TRPC4AP: variants seen among roughly 807,000 people sequenced by gnomAD.
The protein encoded by TRPC4AP is transient receptor potential cation channel subfamily C member 4 associated protein.
A neutral mutation model predicts 99.0 loss-of-function variants in TRPC4AP; 45 were observed. That is an observed-to-expected ratio of 0.45 (90% confidence interval 0.36 to 0.58). TRPC4AP has a LOEUF of 0.58. Ranked by LOEUF, TRPC4AP falls within the 20% of genes least tolerant of loss-of-function variation. TRPC4AP has a pLI of 0.00. For synonymous variants in TRPC4AP, 408 were observed against 385.8 expected (o/e 1.06, Z -0.67); for missense variants, 879 against 985.3 (o/e 0.89, Z 1.44).
intron 4 of TRPC4AP, among the ~76,000 whole-genome samples, chr20:35,055,454 G>C (rs1387710243): frequency 6.6e-6 from 1 of 152,078 alleles, no homozygotes; most frequent in African/African-American, 2.4e-5. Flanking sequence ...TATTAAACTA[G>C]TTCCTCAAGA....
intron 1 of TRPC4AP, among the ~76,000 whole-genome samples, chr20:35,080,534 T>TG (rs2084609266): frequency 1.2e-5 from 1 of 82,068 alleles, no homozygotes; most frequent in Admixed American, 1.4e-4. Flanking sequence ...AGACTCCATC[T>TG]AAAAAAAAAA....
chr20:35,008,570 G>T (rs12625215), intron 13 of TRPC4AP, 94 bp downstream of exon 13: 1 of 1,065,276 alleles, frequency 9.4e-7, no homozygotes, highest in African/African-American at 1.6e-5. Context: ...AGGAGGCATG[G>T]ACGCTGGTGA....
chr20:35,006,615 G>C, intron 14 of TRPC4AP, 40 bp from the exon 15 acceptor site: 1 of 1,601,276 alleles, frequency 6.2e-7, no homozygotes, highest in Non-Finnish European at 8.5e-7. Context: ...CAACGTGGCT[G>C]CCCCCACCAG....
At position 35,003,064 on chromosome 20, in the gene TRPC4AP, A is replaced by T. The variant is rs2082427082; in HGVS notation, c.*82T>A. ...GGGCAGGCAGAGAGCAGCAGGGAGG[A>T]ACGGGAACAGGGCAGGGCGTGTGGC... On this transcript the variant is annotated 3_prime_UTR_variant, in exon 19 of 19. Transcript: ENST00000252015. The T allele has an allele frequency of 2.6e-6, 4 of 1,564,472 alleles. No individual in the cohort carries two copies. Among genetic ancestry groups the T allele is most frequent in the Non-Finnish European group, 3.5e-6 (4 of 1,151,494 alleles).
intron 1 of TRPC4AP, among the ~76,000 whole-genome samples, chr20:35,083,446 C>CAA (rs961998136): frequency 5.0e-5 from 7 of 138,772 alleles, no homozygotes; most frequent in African/African-American, 1.6e-4. Flanking sequence ...CTAAAAATAC[C>CAA]AAAAAAAAAA....
intron 3 of TRPC4AP, among the ~76,000 whole-genome samples, chr20:35,060,585 C>CAAAAAAAAAA (rs35143678): frequency 4.3e-5 from 3 of 70,386 alleles, no homozygotes; most frequent in African/African-American, 5.8e-5. Context: ...ACCTTGTCTC[C>CAAAAAAAAAA]AAAAAAAAAA....
chr20:35,090,479 T>C (rs1219459657), intron 1 of TRPC4AP, among the ~76,000 whole-genome samples: 1 of 147,128 alleles, frequency 6.8e-6, no homozygotes, highest in Non-Finnish European at 1.5e-5. Context: ...GTTCAAGCAA[T>C]TCTCCTGCCT....
Position 35,003,163 on chromosome 20 carries a change from C to T in TRPC4AP, c.2377G>A (p.Asp793Asn). Reference protein sequence around the residue: ...IEEPYMDIDRDFTEE With the variant: ...IEEPYMDIDRNFTEE ...GCCCAAGGTCACTCCTCAGTGAAGTCCCTGTCTATGTCCATGTAGGGCTCC... is the reference window on the plus strand; with the variant it reads ...GCCCAAGGTCACTCCTCAGTGAAGTTCCTGTCTATGTCCATGTAGGGCTCC... The change falls in exon 19 of 19, where the codon GAC becomes AAC. Residue 793 changes from aspartate to asparagine, a missense_variant. Asp to Asn is a conservative substitution (Grantham distance 23, BLOSUM62 1). Coordinates refer to ENST00000252015, the MANE Select transcript of TRPC4AP (RefSeq NM_015638.3). 6.2e-7 allele frequency: 1 copy of T among 1,614,212 alleles called. No individual in the cohort carries two copies.
intron 10 of TRPC4AP, 130 bp downstream of exon 10, chr20:35,015,878 G>A (rs1600515851): frequency 8.6e-7 from 1 of 1,158,034 alleles, no homozygotes; most frequent in Non-Finnish European, 1.2e-6. Context: ...CCAATTAGGG[G>A]ACTATAAGAT....
At chr20:35,084,882 C>T (rs940017822) in intron 1 of TRPC4AP, among the ~76,000 whole-genome samples, 7 of 151,904 alleles carry the variant, frequency 4.6e-5, no homozygotes, top group African/African-American at 1.5e-4. Flanking sequence ...CAATATATGG[C>T]CCTGCTGTAA....
Position 35,090,626 on chromosome 20 carries a change from G to C in TRPC4AP, c.168+1988C>G, listed in dbSNP as rs976731556. On this transcript the variant is annotated intron_variant, in intron 1 of 18. Coordinates refer to ENST00000252015, the MANE Select transcript of TRPC4AP (RefSeq NM_015638.3). Reference sequence around the variant, plus strand: ...TGACCTCAGATGATCCACCCGCCTCGACCTCCCAAAGCACTGGGATTACAG... The same window carrying C: ...TGACCTCAGATGATCCACCCGCCTCCACCTCCCAAAGCACTGGGATTACAG... Among the ~76,000 whole-genome samples, 13 of 151,974 alleles carry C rather than the reference G, an allele frequency of 8.6e-5. 1 individual carries two copies. The highest frequency in any genetic ancestry group is 6.6e-4 in the Admixed American group (10 of 15,256).
intron 7 of TRPC4AP, among the ~76,000 whole-genome samples, chr20:35,042,527 T>C (rs1350273870): frequency 3.3e-5 from 5 of 152,222 alleles, no homozygotes; most frequent in Admixed American, 2.6e-4. Context: ...TGCATGGTCA[T>C]GGTTTTCTAC....
At chr20:35,065,814 C>A (rs6060196) in intron 3 of TRPC4AP, among the ~76,000 whole-genome samples, 13 of 152,014 alleles carry the variant, frequency 8.6e-5, no homozygotes, top group African/African-American at 3.1e-4. Flanking sequence ...ACACAGGCTA[C>A]AGACCTACAT....
chr20:35,091,316 C>T (rs1355315674), intron 1 of TRPC4AP, among the ~76,000 whole-genome samples: 1 of 152,122 alleles, frequency 6.6e-6, no homozygotes, highest in Non-Finnish European at 1.5e-5. Context: ...GGCTGCTCAT[C>T]TATGGTTGTG....
In TRPC4AP at chr20:35,057,565, C is replaced by T; in HGVS notation, c.421G>A (p.Val141Ile). 6.2e-7 allele frequency: 1 copy of T among 1,608,218 alleles called. No homozygotes were observed. The highest frequency in any genetic ancestry group is 8.5e-7 in the Non-Finnish European group (1 of 1,176,684). ...FDLFGGVDLL[V>I]EILMRPTISI... is the part of the protein sequence containing the mutation. ...ATCGTAGGCCTCATAAGAATTTCTA[C>T]AAGAAGCTATAAAAAAAATTAGATA... Residue 141 changes from valine (V) to isoleucine (I), a missense_variant, in exon 4 of 19, where the codon GTA becomes ATA. Val to Ile is a conservative substitution (Grantham distance 29, BLOSUM62 3). Around this residue, in one of 3 missense-constraint regions of TRPC4AP, gnomAD observed 603 missense variants for 631.8 expected, o/e 0.95. Transcript: ENST00000252015.
At chr20:35,058,206 AAAAAT>A (rs2083889212) in intron 3 of TRPC4AP, among the ~76,000 whole-genome samples, 1 of 152,258 alleles carries the variant, frequency 6.6e-6, no homozygotes, top group Non-Finnish European at 1.5e-5. Context: ...CAGATAATTT[AAAAAT>A]AAAAGTTGGA....
intron 16 of TRPC4AP, 55 bp from the exon 17 acceptor site, chr20:35,004,625 G>C: frequency 6.6e-7 from 1 of 1,507,240 alleles, no homozygotes; most frequent in Admixed American, 1.8e-5. Flanking sequence ...TGGCTGGGTC[G>C]CCCAGGCCTT....
At chr20:35,056,322 A>G (rs2145958688) in intron 4 of TRPC4AP, among the ~76,000 whole-genome samples, 1 of 152,354 alleles carries the variant, frequency 6.6e-6, no homozygotes, top group Middle Eastern at 3.4e-3. Context: ...TCTAGAGCAG[A>G]TACAGTGGTG....
chr20:35,034,971 A>G, intron 8 of TRPC4AP, 152 bp downstream of exon 8: 1 of 723,188 alleles, frequency 1.4e-6, no homozygotes, highest in Non-Finnish European at 2.1e-6. Context: ...AAGCTGTCAA[A>G]AGAGTCTTAA....
Sources: gnomAD v4.1 joint callset for allele counts (sites outside exome capture counted in the v4.1 genomes callset) on GRCh38, gnomAD v4.1.1 for gene constraint, gnomAD v4.1.1 regional missense constraint, MANE v1.5 for transcripts, NCBI Gene and HGNC (gene_info 2026-07-23, HGNC 2026-07-21) for gene names.